Variants in REPS1 observed in about 807,000 individuals in gnomAD.
The protein encoded by REPS1 is ralBP1-associated Eps domain-containing protein 1.
Under a neutral mutation model 100.9 loss-of-function variants are expected in REPS1, and 39 were observed. The observed-to-expected ratio is 0.39, with a 90% CI of 0.30 to 0.50. The LOEUF (loss-of-function observed/expected upper bound fraction) is 0.50, where lower values mean the gene tolerates loss of function less well. Among genes scored for constraint, REPS1 ranks in the 20% least tolerant of loss-of-function variants. The probability of loss-of-function intolerance (pLI) is 0.86; values close to 1 mark genes in which losing one functional copy is unlikely to be tolerated. For synonymous variants in REPS1, 324 were observed against 340.3 expected (o/e 0.95, Z 0.53); for missense variants, 821 against 968.5 (o/e 0.85, Z 2.02).
At chr6:138,927,845 T>C (rs375934994) in intron 9 of REPS1, 1 of 152,218 alleles carries the variant, frequency 6.6e-6, no homozygotes, top group East Asian at 1.9e-4. Flanking sequence ...TATCTGTTAA[T>C]ATAATTAGTT....
intron 19 of REPS1, among the ~76,000 whole-genome samples, chr6:138,906,676 A>T (rs994091099): frequency 6.6e-6 from 1 of 152,036 alleles, no homozygotes; most frequent in Admixed American, 6.6e-5. Flanking sequence ...ATTTCCATGG[A>T]CTCTCATCTC....
chr6:138,956,126 T>A, intron 1 of REPS1, among the ~76,000 whole-genome samples: 1 of 152,156 alleles, frequency 6.6e-6, no homozygotes, highest in East Asian at 1.9e-4. Flanking sequence ...CATGTCTTCC[T>A]AAGTATTTGC....
At chr6:138,937,903 C>T (rs892255399) in intron 8 of REPS1, among the ~76,000 whole-genome samples, 1 of 152,060 alleles carries the variant, frequency 6.6e-6, no homozygotes, top group African/African-American at 2.4e-5. Flanking sequence ...CAAACAACCA[C>T]AGAAGTACAT....
intron 1 of REPS1, 98 bp downstream of exon 1, chr6:138,987,432 C>A: frequency 7.9e-7 from 1 of 1,269,984 alleles, no homozygotes; most frequent in Non-Finnish European, 1.0e-6. Flanking sequence ...GAGGAACCAG[C>A]CCCCCGCCGG....
At chr6:138,913,072 CAG>C (rs1165906086) in intron 15 of REPS1, 122 bp from the exon 16 acceptor site, 1 of 708,752 alleles carries the variant, frequency 1.4e-6, no homozygotes, top group Non-Finnish European at 2.2e-6. Flanking sequence ...TCTGTAAGTT[CAG>C]AGAGGTGTAT....
At position 138,944,585 on chromosome 6, in the gene REPS1, G is replaced by C; in HGVS notation, c.666C>G (p.Ser222=). 6.2e-7 allele frequency: 1 copy of C among 1,613,960 alleles called. No individual in the cohort carries two copies. The highest frequency in any genetic ancestry group is 8.5e-7 in the Non-Finnish European group (1 of 1,179,888). Residue 222 remains serine (S), a synonymous_variant, in exon 5 of 20, where the codon TCC becomes TCG. Coordinates refer to ENST00000450536, the MANE Select transcript of REPS1 (RefSeq NM_001286611.2). ...CCCAGTTTTCTTGAGGTGGAGGTGG[G>C]GAATGCCCTGACCACACTGCATCAC... ...SAGDAVWSGH[S]PPPPQENWVS...
chr6:138,908,455 C>T (rs533153587), intron 18 of REPS1, among the ~76,000 whole-genome samples: 3 of 152,016 alleles, frequency 2.0e-5, no homozygotes, highest in Non-Finnish European at 4.4e-5. Context: ...CCACCACACC[C>T]GGCTAATTTT....
chr6:138,943,407 C>A (rs1782393471), intron 7 of REPS1, 106 bp downstream of exon 7: 8 of 614,234 alleles, frequency 1.3e-5, no homozygotes, highest in Non-Finnish European at 2.3e-5. Flanking sequence ...TCTTTGACAG[C>A]ATTCTTGAAG....
intron 1 of REPS1, among the ~76,000 whole-genome samples, chr6:138,986,946 C>T (rs528946540): frequency 3.3e-5 from 5 of 152,316 alleles, no homozygotes; most frequent in African/African-American, 1.2e-4. Context: ...ATTGTTCAGT[C>T]TCATCACATA....
At chr6:138,925,939 T>C (rs3763188) in intron 10 of REPS1, among the ~76,000 whole-genome samples, 21,570 of 152,210 alleles carry the variant, frequency 0.14, 1,816 homozygotes, top group South Asian at 0.35. Context: ...TGATTCTCTC[T>C]AACAGGACTC....
At chr6:138,905,378 G>A (rs942012340) in intron 19 of REPS1, among the ~76,000 whole-genome samples, 2 of 152,014 alleles carry the variant, frequency 1.3e-5, no homozygotes, top group Admixed American at 6.6e-5. Context: ...TGCAAGCTCC[G>A]CTTCCCGGGT....
At chr6:138,911,243 C>T (rs1391019812) in intron 17 of REPS1, 33 bp downstream of exon 17, 5 of 1,380,042 alleles carry the variant, frequency 3.6e-6, no homozygotes, top group South Asian at 2.4e-5. Flanking sequence ...TTATGATGTA[C>T]AAAATTATTA....
At chr6:138,924,900 T>C (rs1780999435) in intron 10 of REPS1, among the ~76,000 whole-genome samples, 1 of 152,140 alleles carries the variant, frequency 6.6e-6, no homozygotes, top group African/African-American at 2.4e-5. Context: ...TAGCAAGAAA[T>C]GAGGAGCAAA....
intron 19 of REPS1, among the ~76,000 whole-genome samples, chr6:138,906,787 C>T (rs1212609951): frequency 6.6e-6 from 1 of 152,170 alleles, no homozygotes; most frequent in Admixed American, 6.5e-5. Context: ...CTTAGCTCTA[C>T]AAAAACCAGA....
At chr6:138,933,903 A>C (rs1382377942) in intron 8 of REPS1, among the ~76,000 whole-genome samples, 1 of 150,854 alleles carries the variant, frequency 6.6e-6, no homozygotes, top group East Asian at 1.9e-4. Context: ...TAAGATTTAA[A>C]AGTTTGTTCC....
intron 10 of REPS1, among the ~76,000 whole-genome samples, chr6:138,924,248 C>T (rs1331465135): frequency 6.6e-6 from 1 of 152,092 alleles, no homozygotes; most frequent in Non-Finnish European, 1.5e-5. Flanking sequence ...TTAAGAATGA[C>T]AATTTTTTAA....
chr6:138,983,166 A>G (rs1368896534), intron 1 of REPS1, among the ~76,000 whole-genome samples: 2 of 152,230 alleles, frequency 1.3e-5, no homozygotes, highest in African/African-American at 4.8e-5. Flanking sequence ...CTTATCTGCT[A>G]TCAAGTTCTT....
intron 2 of REPS1, 43 bp from the exon 3 acceptor site, chr6:138,945,740 C>CAT (rs1782571756): frequency 5.7e-6 from 8 of 1,401,828 alleles, no homozygotes; most frequent in East Asian, 2.5e-5. Flanking sequence ...TAAAAAAGGA[C>CAT]ATATATATTG....
chr6:138,935,060 G>GT (rs2128463115), intron 8 of REPS1, among the ~76,000 whole-genome samples: 1 of 152,252 alleles, frequency 6.6e-6, no homozygotes, highest in Non-Finnish European at 1.5e-5. Flanking sequence ...CAAAAAACTA[G>GT]TAAGTTCTAT....
Sources: allele counts gnomAD v4.1 joint callset (sites outside exome capture counted in the v4.1 genomes callset), GRCh38; gene constraint gnomAD v4.1.1; transcripts MANE v1.5; gene names NCBI Gene and HGNC (gene_info 2026-07-23, HGNC 2026-07-21).